Variants in GTSE1 observed in about 807,000 individuals in gnomAD.
The protein encoded by GTSE1 is G2 and S phase-expressed protein 1.
In GTSE1, 52 loss-of-function variants were observed where a neutral mutation model predicts 60.5. The ratio of observed to expected loss-of-function variants is 0.86; its 90% CI spans 0.69 to 1.08. The LOEUF (loss-of-function observed/expected upper bound fraction) is 1.08. Ranked by LOEUF, GTSE1 falls within the 50% of genes least tolerant of loss-of-function variation. GTSE1 has a pLI of 0.00. For missense variants in GTSE1, 937 were observed against 961.8 expected, an observed-to-expected ratio of 0.97 and a Z score of 0.34; for synonymous variants, 368 against 386.5, an observed-to-expected ratio of 0.95 and a Z score of 0.56.
rs182717487 is a variant in GTSE1, at chr22:46,310,214, A to C, written c.762+1271A>C. Among the ~76,000 whole-genome samples, 1 of 152,342 alleles carries C rather than the reference A, an allele frequency of 6.6e-6. No individual in the cohort carries two copies. The highest frequency in any genetic ancestry group is 1.9e-4 in the East Asian group (1 of 5,184). On this transcript the variant is annotated intron_variant, in intron 4 of 11. Coordinates refer to ENST00000454366, the MANE Select transcript of GTSE1 (RefSeq NM_016426.7). The surrounding 1 kb of genome is among the most constrained non-coding windows in gnomAD (Gnocchi z 4.4). Reference sequence around the variant, plus strand: ...GGTGGACCACTTGAGTGTAACACCTACTTACAAGTGTGCTTGACAGAGAAC... The same window carrying C: ...GGTGGACCACTTGAGTGTAACACCTCCTTACAAGTGTGCTTGACAGAGAAC...
rs984963718 is a variant in GTSE1, at chr22:46,313,589, A to G, written c.928-301A>G. 6.6e-6 allele frequency among the ~76,000 whole-genome samples: 1 copy of G among 151,576 alleles called. No individual in the cohort carries two copies. Among genetic ancestry groups the G allele is most frequent in the Non-Finnish European group, 1.5e-5 (1 of 67,884 alleles). On this transcript the variant is annotated intron_variant, in intron 5 of 11. Coordinates refer to ENST00000454366, the MANE Select transcript of GTSE1 (RefSeq NM_016426.7). The surrounding 1 kb of genome is among the most constrained non-coding windows in gnomAD (Gnocchi z 4.4). The stretch of plus-strand genomic sequence containing the variant: ...AATGGCACGAGCTCAGCTCACTACA[A>G]CCTCCACCTCCCGGGTTCAAGCAAT...
Position 46,323,627 on chromosome 22 carries a change from T to C in GTSE1, c.1505+365T>C, listed in dbSNP as rs151101713. 1.3e-3 allele frequency among the ~76,000 whole-genome samples: 194 copies of C among 152,336 alleles called. 3 individuals are homozygous for C. In the East Asian group the frequency reaches 0.023, roughly 18 times the overall value. On this transcript the variant is annotated intron_variant, in intron 8 of 11. Transcript: ENST00000454366. ...CAGCAGCTGGATTTCCTAAAGCTCC[T>C]GGGTGACTGTGACTTGTACCGCAGT...
rs1180398418 is a variant in GTSE1, at chr22:46,329,704, T to A, written c.2136+137T>A. 1 of 719,054 alleles carries A rather than the reference T, an allele frequency of 1.4e-6. No homozygotes were observed. Among genetic ancestry groups the A allele is most frequent in the East Asian group, 2.7e-5 (1 of 37,064 alleles). 44.5% of individuals were successfully genotyped at this position (719,054 alleles called of 1,614,324 possible). On this transcript the variant is annotated intron_variant, in intron 11 of 11. Transcript: ENST00000454366. This position sits in a 1 kb window ranked among gnomAD's most constrained non-coding sequence, Gnocchi z 6.4. ...CTCAGCTACACACCTCAGGGCAGGATGCACCTTTGGCAGCCTGAGCTTCTC... is the reference window on the plus strand; with the variant it reads ...CTCAGCTACACACCTCAGGGCAGGAAGCACCTTTGGCAGCCTGAGCTTCTC...
rs759313739 is a variant in GTSE1, at chr22:46,308,934, T to C, written c.753T>C (p.Ala251=). The C allele has an allele frequency of 3.7e-6, 6 of 1,609,326 alleles. No homozygotes were observed. Among genetic ancestry groups the C allele is most frequent in the Non-Finnish European group, 5.1e-6 (6 of 1,177,534 alleles). The part of the protein sequence containing the change: ...ASVRGRSIPG[A]AEKPKKEIPA... ...TTAGAGGAAGAAGCATCCCTGGGGC[T>C]GCGGAGAAGGTAAATGCCACAGCAG... The change falls in exon 4 of 12, where the codon GCT becomes GCC. Residue 251 remains alanine (A), a synonymous_variant. Transcript: ENST00000454366.
Position 46,297,735 on chromosome 22 carries a change from G to A in GTSE1, c.79+256G>A, listed in dbSNP as rs2077665601. ...CCTGAACAGCACCTAACACTTTGTG[G>A]GCTCTCAAATATTTATTGTATTGAA... is the stretch of plus-strand genomic sequence containing the variant. On this transcript the variant is annotated intron_variant, in intron 2 of 11. Transcript: ENST00000454366. This position sits in a 1 kb window ranked among gnomAD's most constrained non-coding sequence, Gnocchi z 4.9. 6.6e-6 allele frequency among the ~76,000 whole-genome samples: 1 copy of A among 152,038 alleles called. No individual in the cohort carries two copies. Among genetic ancestry groups the A allele is most frequent in the Non-Finnish European group, 1.5e-5 (1 of 68,016 alleles).
rs1404193131 is a variant in GTSE1, at chr22:46,304,168, C to A, written c.80-3982C>A. Among the ~76,000 whole-genome samples, 6 of 149,120 alleles carry A rather than the reference C, an allele frequency of 4.0e-5. No individual in the cohort carries two copies. The South Asian group carries it at 1.1e-3, about 27-fold the overall frequency. ...CCATACCCCGCTCATTTTTTTTTTT[C>A]TTTTTGTAGAGCTGGGGTCTCGCTA... On this transcript the variant is annotated intron_variant, in intron 2 of 11. Transcript: ENST00000454366. The surrounding 1 kb of genome is among the most constrained non-coding windows in gnomAD (Gnocchi z 4.4).
At chr22:46,312,492 A>AGCTG (rs1222138289) in intron 5 of GTSE1, among the ~76,000 whole-genome samples, 187 bp downstream of exon 5, 1 of 151,954 alleles carries the variant, frequency 6.6e-6, no homozygotes, top group African/African-American at 2.4e-5. Flanking sequence ...TACAAAAATT[A>AGCTG]GCTGGGCATG....
At chr22:46,298,801 C>T (rs529269462) in intron 2 of GTSE1, among the ~76,000 whole-genome samples, 3 of 152,324 alleles carry the variant, frequency 2.0e-5, no homozygotes, top group African/African-American at 4.8e-5. Flanking sequence ...TCCCCACTTC[C>T]GTTGACCTGA....
In GTSE1 at chr22:46,320,038, G is replaced by A. The variant is rs753918091; in HGVS notation, c.1433-3152G>A. ...AGAAATGCGAGCTGTGATTGGGTGG[G>A]TTCTGCAGGGACACCCTACGGCCCA... is the stretch of plus-strand genomic sequence containing the variant. On this transcript the variant is annotated intron_variant, in intron 7 of 11. Transcript: ENST00000454366. This position sits in a 1 kb window ranked among gnomAD's most constrained non-coding sequence, Gnocchi z 7.1. Among the ~76,000 whole-genome samples the A allele has an allele frequency of 6.6e-6, 1 of 152,040 alleles. No homozygotes were observed. The highest frequency in any genetic ancestry group is 1.5e-5 in the Non-Finnish European group (1 of 68,000).
In GTSE1 at chr22:46,316,544, C is replaced by T. The variant is rs962829818; in HGVS notation, c.1432+132C>T. On this transcript the variant is annotated intron_variant, in intron 7 of 11. Transcript: ENST00000454366. This position sits in a 1 kb window ranked among gnomAD's most constrained non-coding sequence, Gnocchi z 5.0. ...TCCAACAGTGCTTTCAGGTGTGACC[C>T]GCTGTCTTCTCGCCCACGTTGTTTT... 2.9e-5 allele frequency: 20 copies of T among 696,614 alleles called. No homozygotes were observed. The highest frequency in any genetic ancestry group is 3.4e-5 in the Non-Finnish European group (14 of 417,284). 43.2% of individuals were successfully genotyped at this position (696,614 alleles called of 1,614,324 possible).
intron 2 of GTSE1, among the ~76,000 whole-genome samples, chr22:46,300,791 C>A (rs2077685217): frequency 6.6e-6 from 1 of 152,192 alleles, no homozygotes; most frequent in Non-Finnish European, 1.5e-5. Context: ...GTCCTGGATT[C>A]TTTTTCCACG....
In GTSE1 at chr22:46,309,455, C is replaced by T. The variant is rs1287763659; in HGVS notation, c.762+512C>T. Among the ~76,000 whole-genome samples, 1 of 152,072 alleles carries T rather than the reference C, an allele frequency of 6.6e-6. No homozygotes were observed. The highest frequency in any genetic ancestry group is 2.4e-5 in the African/African-American group (1 of 41,404). On this transcript the variant is annotated intron_variant, in intron 4 of 11. Transcript: ENST00000454366. This position sits in a 1 kb window ranked among gnomAD's most constrained non-coding sequence, Gnocchi z 6.2. ...TGGGTGTGAGCACAGGACTTGCTGCCAGGGCTGCCCGATCTGGCTCTTGCT... is the reference window on the plus strand; with the variant it reads ...TGGGTGTGAGCACAGGACTTGCTGCTAGGGCTGCCCGATCTGGCTCTTGCT...
rs150583872 is a variant in GTSE1, at chr22:46,328,744, C to T, written c.1781C>T (p.Ser594Phe). The T allele has an allele frequency of 1.7e-4, 271 of 1,613,866 alleles. No individual in the cohort carries two copies. Among genetic ancestry groups the T allele is most frequent in the Non-Finnish European group, 2.1e-4 (252 of 1,179,726 alleles). The change falls in exon 10 of 12, where the codon TCC (serine) becomes TTC (phenylalanine). Residue 594 changes from serine to phenylalanine, a missense_variant. By Grantham distance (155) the Ser-to-Phe change is radical (BLOSUM62 -2). Coordinates refer to ENST00000454366, the MANE Select transcript of GTSE1 (RefSeq NM_016426.7). ...ACAGATTCCAGGCTGGTGGATGTGT[C>T]CCCTGACAGGGGTTCTCCTCCTTCC... ...RKTDSRLVDV[S>F]PDRGSPPSRV...
At chr22:46,315,220 G>T (rs2077771980) in intron 6 of GTSE1, among the ~76,000 whole-genome samples, 1 of 152,186 alleles carries the variant, frequency 6.6e-6, no homozygotes, top group East Asian at 1.9e-4. Context: ...CACCACGCCC[G>T]GCTAATTTTT....
Position 46,308,185 on chromosome 22 carries a change from G to C in GTSE1, c.115G>C (p.Asp39His). The change falls in exon 3 of 12, where the codon GAT becomes CAT. Residue 39 changes from aspartate to histidine, a missense_variant. Asp to His is a moderately conservative substitution (Grantham distance 81). Transcript: ENST00000454366. ...TTTGGCCGATGAAAAATTTGACTTC[G>C]ATCTTTCATTGTCTTCTTCGAGGTA... ...LLLADEKFDFDLSLSSSSANE... is the reference protein window; with the variant it reads ...LLLADEKFDFHLSLSSSSANE... The C allele has an allele frequency of 6.2e-7, 1 of 1,613,258 alleles. No homozygotes were observed. The highest frequency in any genetic ancestry group is 8.5e-7 in the Non-Finnish European group (1 of 1,179,322).
Position 46,319,306 on chromosome 22 carries a change from G to A in GTSE1, c.1432+2894G>A, listed in dbSNP as rs1301055662. ...ACCTTCAGAAGGTCCCTCCACAGAG[G>A]GAAGAGCAGAGTCTCTGGGCCGAAG... is the stretch of plus-strand genomic sequence containing the variant. On this transcript the variant is annotated intron_variant, in intron 7 of 11. Coordinates refer to ENST00000454366, the MANE Select transcript of GTSE1 (RefSeq NM_016426.7). This position sits in a 1 kb window ranked among gnomAD's most constrained non-coding sequence, Gnocchi z 5.0. Among the ~76,000 whole-genome samples, 1 of 152,142 alleles carries A rather than the reference G, an allele frequency of 6.6e-6. No individual in the cohort carries two copies. The highest frequency in any genetic ancestry group is 6.5e-5 in the Admixed American group (1 of 15,278).
In GTSE1 at chr22:46,313,977, G is replaced by T. The variant is rs1265661687; in HGVS notation, c.1015G>T (p.Ala339Ser). ...KSSSGPVWSG[A>S]SSACTSPAVG... ...CTCCTCGGGGCCTGTTTGGAGCGGG[G>T]CATCCAGTGCGTGCACATCCCCAGC... The change falls in exon 6 of 12, where the codon GCA (alanine) becomes TCA (serine). Residue 339 changes from alanine to serine, a missense_variant. Transcript: ENST00000454366. This position sits in a 1 kb window ranked among gnomAD's most constrained non-coding sequence, Gnocchi z 4.4. The T allele has an allele frequency of 6.2e-7, 1 of 1,614,172 alleles. No homozygotes were observed.
Position 46,316,421 on chromosome 22 carries a change from T to C in GTSE1, c.1432+9T>C. ...TCCTAAGTTTTCTATTGGTGAGTAA[T>C]AGATACATTTTAATGTGTCTTTAAA... is the stretch of plus-strand genomic sequence containing the variant. On this transcript the variant is annotated intron_variant, in intron 7 of 11. Coordinates refer to ENST00000454366, the MANE Select transcript of GTSE1 (RefSeq NM_016426.7). The surrounding 1 kb of genome is among the most constrained non-coding windows in gnomAD (Gnocchi z 5.0). 1 of 1,458,116 alleles carries C rather than the reference T, an allele frequency of 6.9e-7. No individual in the cohort carries two copies. The highest frequency in any genetic ancestry group is 1.2e-5 in the South Asian group (1 of 80,152). 90.3% of individuals were successfully genotyped at this position (1,458,116 alleles called of 1,614,324 possible).
intron 2 of GTSE1, among the ~76,000 whole-genome samples, chr22:46,303,966 C>G (rs1008564021): frequency 3.9e-5 from 6 of 152,096 alleles, no homozygotes; most frequent in African/African-American, 1.4e-4. Context: ...CCAGCCTACC[C>G]CTCTGCAGAC....
Sources: allele counts gnomAD v4.1 joint callset (sites outside exome capture counted in the v4.1 genomes callset), GRCh38; gene constraint gnomAD v4.1.1; non-coding constraint Gnocchi (gnomAD v3.1); transcripts MANE v1.5; gene names NCBI Gene and HGNC (gene_info 2026-07-23, HGNC 2026-07-21).